The following GRIA3 variants were observed in gnomAD, a reference collection of about 807,000 sequenced individuals.
The protein encoded by GRIA3 is glutamate receptor 3.
A neutral mutation model predicts 63.0 loss-of-function variants in GRIA3; 3 were observed. The ratio of observed to expected loss-of-function variants is 0.05; its 90% CI spans 0.02 to 0.12. The LOEUF (loss-of-function observed/expected upper bound fraction) is 0.12. Ranked by LOEUF, GRIA3 falls within the 10% of genes least tolerant of loss-of-function variation. GRIA3 has a pLI of 1.00. For missense variants in GRIA3, 347 were observed against 700.9 expected (o/e 0.50, Z 5.70); for synonymous variants, 274 against 257.9 (o/e 1.06, Z -0.60).
chrX:123,198,644 A>C (rs2040404), intron 2 of GRIA3, among the ~76,000 whole-genome samples: 36,906 of 110,153 alleles, frequency 0.34, 4,582 homozygotes, highest in Middle Eastern at 0.43. Flanking sequence ...GACAAAAAAA[A>C]AGTGGGGAAA....
intron 2 of GRIA3, among the ~76,000 whole-genome samples, chrX:123,212,909 G>A (rs4825839): frequency 0.2 from 22,738 of 111,159 alleles, 1,991 homozygotes; most frequent in East Asian, 0.38. Flanking sequence ...GTCCACAGCA[G>A]GGGTCCCCAA....
At position 123,475,909 on chromosome X, in the gene GRIA3, G is replaced by C. The variant is rs144426833; in HGVS notation, c.2325-4154G>C. ...GAACACAGCTCAATGTATATTAATT[G>C]GCCTCTTGACCCACCCCATAAGTTG... is the stretch of plus-strand genomic sequence containing the variant. On this transcript the variant is annotated intron_variant, in intron 13 of 15. Coordinates refer to ENST00000620443, the MANE Select transcript of GRIA3 (RefSeq NM_007325.5). Among the ~76,000 whole-genome samples, 579 of 111,246 alleles carry C rather than the reference G, an allele frequency of 5.2e-3. 3 individuals carry two copies. Among genetic ancestry groups the C allele is most frequent in the Non-Finnish European group, 9.2e-3 (490 of 52,999 alleles).
intron 12 of GRIA3, among the ~76,000 whole-genome samples, chrX:123,437,767 T>A (rs1436846650): frequency 9.0e-6 from 1 of 111,608 alleles, no homozygotes; most frequent in African/African-American, 3.3e-5. Flanking sequence ...CCCTTTTCAG[T>A]AATCACTTAT....
intron 13 of GRIA3, among the ~76,000 whole-genome samples, chrX:123,468,147 G>A (rs766555730): frequency 3.5e-4 from 39 of 111,485 alleles, no homozygotes; most frequent in African/African-American, 1.1e-3. Context: ...CATACCCAAC[G>A]ATTGCTTATT....
At chrX:123,188,118 G>C (rs2147245632) in intron 2 of GRIA3, among the ~76,000 whole-genome samples, 1 of 112,108 alleles carries the variant, frequency 8.9e-6, no homozygotes. Context: ...ACACATGTAT[G>C]CATGCACAGA....
intron 2 of GRIA3, among the ~76,000 whole-genome samples, chrX:123,186,747 A>G (rs997116220): frequency 9.0e-5 from 10 of 111,587 alleles, no homozygotes; most frequent in Non-Finnish European, 1.7e-4. Flanking sequence ...AAGACAACAC[A>G]GTTCTTAATT....
At chrX:123,198,364 C>T (rs1211934382) in intron 2 of GRIA3, among the ~76,000 whole-genome samples, 1 of 112,129 alleles carries the variant, frequency 8.9e-6, no homozygotes, top group African/African-American at 3.2e-5. Context: ...TAGTAACTAT[C>T]TTATAAAGTT....
At chrX:123,440,560 T>C (rs751247070) in intron 12 of GRIA3, among the ~76,000 whole-genome samples, 31 of 112,910 alleles carry the variant, frequency 2.7e-4, no homozygotes, top group African/African-American at 9.9e-4. Flanking sequence ...ATGTTGAGCT[T>C]TCTTTCATAT....
chrX:123,202,580 C>T (rs1350356747), intron 2 of GRIA3: 15 of 1,120,872 alleles, frequency 1.3e-5, no homozygotes, highest in East Asian at 3.3e-5. Context: ...TCCACCCTTC[C>T]GCTGAAGGAG....
At chrX:123,420,923 T>C (rs948833145) in intron 11 of GRIA3, among the ~76,000 whole-genome samples, 6 of 111,451 alleles carry the variant, frequency 5.4e-5, no homozygotes, top group Non-Finnish European at 1.1e-4. Flanking sequence ...AAAATTTTTT[T>C]TACCATGACC....
chrX:123,212,059 C>T (rs1928055685), intron 2 of GRIA3, among the ~76,000 whole-genome samples: 1 of 111,759 alleles, frequency 8.9e-6, no homozygotes, highest in Non-Finnish European at 1.9e-5. Flanking sequence ...ATAAAATTTA[C>T]TCATGACTAA....
chrX:123,479,937 T>C (rs1015168371), intron 13 of GRIA3, 126 bp from the exon 14 acceptor site: 60 of 499,715 alleles, frequency 1.2e-4, no homozygotes, highest in Non-Finnish European at 3.5e-5. Flanking sequence ...TTGCCTGCAG[T>C]GTCTAAAATT....
At position 123,398,817 on chromosome X, in the gene GRIA3, T is replaced by C. The variant is rs377365030; in HGVS notation, c.1080+14T>C. ...GCTCTGAAAATGGTAAAGACCACAA[T>C]GGGTTATTGGGGTGGAAGAAACTTA... On this transcript the variant is annotated intron_variant, in intron 7 of 15. Coordinates refer to ENST00000620443, the MANE Select transcript of GRIA3 (RefSeq NM_007325.5). The C allele has an allele frequency of 2.5e-6, 3 of 1,177,357 alleles. No individual in the cohort carries two copies. The highest frequency in any genetic ancestry group is 3.5e-6 in the Non-Finnish European group (3 of 865,189).
chrX:123,284,760 T>C (rs1250683159), intron 3 of GRIA3, among the ~76,000 whole-genome samples: 4 of 111,376 alleles, frequency 3.6e-5, no homozygotes, highest in African/African-American at 1.3e-4. Flanking sequence ...GTGAAAAGAC[T>C]AAACCGGCAT....
chrX:123,381,815 A>G (rs1198484497), intron 5 of GRIA3, among the ~76,000 whole-genome samples: 1 of 112,329 alleles, frequency 8.9e-6, no homozygotes, highest in Non-Finnish European at 1.9e-5. Flanking sequence ...AAAAAGAAAG[A>G]TGACGAAGAG....
chrX:123,364,770 T>G (rs2045199573), intron 5 of GRIA3, among the ~76,000 whole-genome samples: 1 of 112,854 alleles, frequency 8.9e-6, no homozygotes, highest in African/African-American at 3.2e-5. Context: ...CACAACGGAA[T>G]ACTATTTAGC....
At chrX:123,265,552 G>A (rs2044483076) in intron 3 of GRIA3, among the ~76,000 whole-genome samples, 1 of 111,923 alleles carries the variant, frequency 8.9e-6, no homozygotes, top group Non-Finnish European at 1.9e-5. Flanking sequence ...TATTAAGTAG[G>A]CTGAAGAGGA....
rs751784028 is a variant in GRIA3, at chrX:123,326,186, C to G, written c.669C>G (p.Val223=). The G allele has an allele frequency of 8.3e-7, 1 of 1,208,772 alleles. No homozygotes were observed. Among genetic ancestry groups the G allele is most frequent in the South Asian group, 1.8e-5 (1 of 56,860 alleles). The part of the protein sequence containing the change: ...QEKRYLIDCE[V]ERINTILEQV... ...AGCGATACTTGATTGACTGCGAAGTCGAAAGGATTAACACAATTTTGGAAC... is the reference window on the plus strand; with the variant it reads ...AGCGATACTTGATTGACTGCGAAGTGGAAAGGATTAACACAATTTTGGAAC... The change falls in exon 4 of 16, where the codon GTC becomes GTG. Residue 223 remains valine (V), a synonymous_variant. Transcript: ENST00000620443.
intron 4 of GRIA3, among the ~76,000 whole-genome samples, chrX:123,344,924 A>G (rs900266099): frequency 8.9e-6 from 1 of 111,949 alleles, no homozygotes; most frequent in African/African-American, 3.3e-5. Flanking sequence ...CAGAATCACC[A>G]AAGGTGAGAT....
Sources: gnomAD v4.1 joint callset for allele counts (sites outside exome capture counted in the v4.1 genomes callset) on GRCh38, gnomAD v4.1.1 for gene constraint, MANE v1.5 for transcripts, NCBI Gene and HGNC (gene_info 2026-07-23, HGNC 2026-07-21) for gene names.